Variants in CACNB2 observed in about 807,000 individuals in gnomAD.
CACNB2 encodes voltage-dependent L-type calcium channel subunit beta-2.
In CACNB2, 42 loss-of-function variants were observed where a neutral mutation model predicts 73.3. The observed-to-expected ratio is 0.57, with a 90% confidence interval of 0.45 to 0.74. The LOEUF is 0.74. CACNB2 is among the 30% of genes least tolerant of loss of function. The pLI, the probability that CACNB2 is intolerant of heterozygous loss-of-function variation, is 0.00. For missense variants in CACNB2, 940 were observed against 853.0 expected (o/e 1.10, Z -1.27); for synonymous variants, 348 against 310.3 (o/e 1.12, Z -1.28).
intron 2 of CACNB2, among the ~76,000 whole-genome samples, chr10:18,370,473 T>G (rs979679809): frequency 6.6e-6 from 1 of 152,208 alleles, no homozygotes; most frequent in Non-Finnish European, 1.5e-5. Context: ...AATTGTTTTG[T>G]ATTTTTAGTA....
At chr10:18,299,331 A>G (rs1009522727) in intron 2 of CACNB2, among the ~76,000 whole-genome samples, 1 of 152,076 alleles carries the variant, frequency 6.6e-6, no homozygotes, top group Non-Finnish European at 1.5e-5. Context: ...GGTGGGAAGG[A>G]GTAGGAAGAA....
intron 2 of CACNB2, among the ~76,000 whole-genome samples, chr10:18,277,422 G>A (rs1007870154): frequency 4.6e-5 from 7 of 152,164 alleles, no homozygotes; most frequent in Non-Finnish European, 4.4e-5. Flanking sequence ...AGTAAGGCCC[G>A]GCCCCTTGTG....
At chr10:18,296,010 T>C (rs1012979252) in intron 2 of CACNB2, among the ~76,000 whole-genome samples, 4 of 148,440 alleles carry the variant, frequency 2.7e-5, no homozygotes, top group Non-Finnish European at 6.0e-5. Context: ...TTTTTTTTTT[T>C]TTTTTTTTTT....
intron 3 of CACNB2, among the ~76,000 whole-genome samples, chr10:18,442,866 A>G (rs2046483627): frequency 6.8e-6 from 1 of 146,260 alleles, no homozygotes; most frequent in Non-Finnish European, 1.5e-5. Context: ...AGACTATTAA[A>G]GAGCTTGAGT....
rs1212723851 is a variant in CACNB2 at position 18,382,055 on chromosome 10, G to A, written c.214-19869G>A. On this transcript the variant is annotated intron_variant, in intron 2 of 13. Coordinates refer to ENST00000324631, the MANE Select transcript of CACNB2 (RefSeq NM_201596.3). Reference sequence around the variant, plus strand: ...TATTTTTATAATATCGTCATCTTAAGCAAAATTAAATGTGTTATAAATGAT... The same window carrying A: ...TATTTTTATAATATCGTCATCTTAAACAAAATTAAATGTGTTATAAATGAT... Among the ~76,000 whole-genome samples, 3 of 152,128 alleles carry A rather than the reference G, an allele frequency of 2.0e-5. 1 individual carries two copies. Among genetic ancestry groups the A allele is most frequent in the African/African-American group, 4.8e-5 (2 of 41,420 alleles).
intron 3 of CACNB2, among the ~76,000 whole-genome samples, chr10:18,442,992 ATATATG>A (rs2046532768): frequency 1.2e-4 from 2 of 16,388 alleles, no homozygotes; most frequent in African/African-American, 5.1e-4. Context: ...ATATGTATAT[ATATATG>A]TGTATATATA....
chr10:18,201,672 A>T (rs11012983), intron 2 of CACNB2, among the ~76,000 whole-genome samples: 18,651 of 152,232 alleles, frequency 0.12, 1,230 homozygotes, highest in East Asian at 0.23. Flanking sequence ...GATTAGGGCG[A>T]TAGCATATCC....
At position 18,492,273 on chromosome 10, in the gene CACNB2, C is replaced by G. The variant is rs543163649; in HGVS notation, c.334-6082C>G. ...GGCTTACAATTCGACATGAGTCTGG[C>G]CAGGGACACAAACTCAAACCATATC... is the stretch of plus-strand genomic sequence containing the variant. On this transcript the variant is annotated intron_variant, in intron 3 of 13. Transcript: ENST00000324631. Among the ~76,000 whole-genome samples, 22 of 152,264 alleles carry G rather than the reference C, an allele frequency of 1.4e-4. No individual in the cohort carries two copies. In the South Asian group the frequency reaches 4.4e-3, roughly 30 times the overall value.
At chr10:18,350,708 T>A (rs2041671519) in intron 2 of CACNB2, among the ~76,000 whole-genome samples, 1 of 152,226 alleles carries the variant, frequency 6.6e-6, no homozygotes, top group South Asian at 2.1e-4. Flanking sequence ...AGCTGTTTAT[T>A]TCCTAGGCAG....
chr10:18,483,267 A>T (rs372714067), intron 3 of CACNB2, among the ~76,000 whole-genome samples: 9 of 151,922 alleles, frequency 5.9e-5, no homozygotes, highest in African/African-American at 2.2e-4. Flanking sequence ...ACAGTGGCTC[A>T]TGCCTGTAAT....
chr10:18,519,923 C>T (rs2051681338), intron 9 of CACNB2: 1 of 340,624 alleles, frequency 2.9e-6, no homozygotes, highest in Admixed American at 4.2e-5. Flanking sequence ...ATTCCATCCT[C>T]TTTGAAATAC....
At chr10:18,487,453 G>C (rs2049123603) in intron 3 of CACNB2, among the ~76,000 whole-genome samples, 1 of 152,182 alleles carries the variant, frequency 6.6e-6, no homozygotes. Flanking sequence ...TTTATTTCTA[G>C]CTCATATATC....
intron 2 of CACNB2, among the ~76,000 whole-genome samples, chr10:18,244,377 G>A (rs190458783): frequency 3.3e-5 from 5 of 152,180 alleles, no homozygotes; most frequent in East Asian, 1.9e-4. Context: ...ATCATCAACC[G>A]CTTCTCAACT....
chr10:18,181,669 C>T (rs1393367731), intron 2 of CACNB2: 2 of 147,074 alleles, frequency 1.4e-5, no homozygotes, highest in African/African-American at 2.5e-5. Flanking sequence ...GGATGGAGTG[C>T]AGTGGTTCAG....
chr10:18,406,088 C>T (rs2044272683), intron 3 of CACNB2, among the ~76,000 whole-genome samples: 1 of 152,098 alleles, frequency 6.6e-6, no homozygotes, highest in South Asian at 2.1e-4. Flanking sequence ...ATGTTAGGCC[C>T]AGTTGGTGAA....
chr10:18,177,536 G>T (rs1028756841), intron 2 of CACNB2, among the ~76,000 whole-genome samples: 3 of 150,026 alleles, frequency 2.0e-5, no homozygotes, highest in Non-Finnish European at 4.4e-5. Flanking sequence ...CTGAGATCAC[G>T]CCACGGCACT....
chr10:18,306,721 T>G (rs1159560566), intron 2 of CACNB2, among the ~76,000 whole-genome samples: 1 of 152,178 alleles, frequency 6.6e-6, no homozygotes, highest in African/African-American at 2.4e-5. Flanking sequence ...TGAGGGCTTC[T>G]TTGTTGCCAA....
intron 3 of CACNB2, among the ~76,000 whole-genome samples, chr10:18,413,265 C>T (rs1463133354): frequency 6.6e-6 from 1 of 152,196 alleles, no homozygotes; most frequent in Non-Finnish European, 1.5e-5. Context: ...AGCCACTGTG[C>T]CCAGCCACAC....
At chr10:18,376,745 A>T (rs1419228614) in intron 2 of CACNB2, among the ~76,000 whole-genome samples, 1 of 152,110 alleles carries the variant, frequency 6.6e-6, no homozygotes, top group Non-Finnish European at 1.5e-5. Flanking sequence ...GAGGAGGGTT[A>T]TCTTAAGGCT....
Sources: allele counts gnomAD v4.1 joint callset (sites outside exome capture counted in the v4.1 genomes callset), GRCh38; gene constraint gnomAD v4.1.1; transcripts MANE v1.5; gene names NCBI Gene and HGNC (gene_info 2026-07-23, HGNC 2026-07-21).